Variants in UCHL5 observed in about 807,000 individuals in gnomAD.
The protein encoded by UCHL5 is ubiquitin C-terminal hydrolase L5.
In UCHL5, 34 loss-of-function variants were observed where a neutral mutation model predicts 53.8. The observed-to-expected ratio is 0.63, with a 90% confidence interval of 0.48 to 0.84. UCHL5 has a LOEUF of 0.84. Among genes scored for constraint, UCHL5 ranks in the 40% least tolerant of loss-of-function variants. The probability of loss-of-function intolerance (pLI) is 0.00; values close to 1 mark genes in which losing one functional copy is unlikely to be tolerated. For synonymous variants in UCHL5, 111 were observed against 126.3 expected, an observed-to-expected ratio of 0.88 and a Z score of 0.81; for missense variants, 290 against 385.6, an observed-to-expected ratio of 0.75 and a Z score of 2.08.
At chr1:193,024,594 TATAAC>T (rs1374022413) in intron 7 of UCHL5, among the ~76,000 whole-genome samples, 4 of 148,622 alleles carry the variant, frequency 2.7e-5, no homozygotes, top group South Asian at 2.1e-4. Flanking sequence ...TGTAAATAAA[TATAAC>T]ATATTTTATT....
At position 193,014,571 on chromosome 1, in the gene UCHL5, T is replaced by C. The variant is rs1050976487; in HGVS notation, c.*1780A>G. On this transcript the variant is annotated 3_prime_UTR_variant, in exon 11 of 11. Coordinates refer to ENST00000367454, the MANE Select transcript of UCHL5 (RefSeq NM_001199261.3). ...ATCTGTTTTCAGTTAAAAAGCTTCATACTTTTAAAATATTACATTTAGGTC... is the reference window on the plus strand; with the variant it reads ...ATCTGTTTTCAGTTAAAAAGCTTCACACTTTTAAAATATTACATTTAGGTC... 6.6e-6 allele frequency: 1 copy of C among 152,180 alleles called. No homozygotes were observed. Among genetic ancestry groups the C allele is most frequent in the African/African-American group, 2.4e-5 (1 of 41,452 alleles). The allele number at this position is 152,180 out of a possible 1,614,324, so 9.4% of individuals were successfully genotyped here.
At chr1:193,044,048 C>T (rs532107080) in intron 3 of UCHL5, among the ~76,000 whole-genome samples, 11 of 152,304 alleles carry the variant, frequency 7.2e-5, no homozygotes, top group Middle Eastern at 3.4e-3. Flanking sequence ...CCACCACAAA[C>T]CTGCAATGCT....
chr1:193,051,476 T>TAAAAAAAAAAAAAAAAAAAA (rs375074775), intron 2 of UCHL5, among the ~76,000 whole-genome samples: 1 of 119,746 alleles, frequency 8.4e-6, no homozygotes, highest in African/African-American at 3.2e-5. Flanking sequence ...GTGAATTTTG[T>TAAAAAAAAAAAAAAAAAAAA]AAAAAAAAAA....
chr1:193,047,083 A>G (rs1414904628), intron 3 of UCHL5, among the ~76,000 whole-genome samples: 1 of 152,142 alleles, frequency 6.6e-6, no homozygotes, highest in Non-Finnish European at 1.5e-5. Context: ...GCTTGTTGCA[A>G]ATATTAAATA....
rs747332454 is a variant in UCHL5, at chr1:193,018,404, G to A, written c.943-2009C>T. On this transcript the variant is annotated intron_variant, in intron 10 of 10. Coordinates refer to ENST00000367454, the MANE Select transcript of UCHL5 (RefSeq NM_001199261.3). ...CTGAATAAATAGAAGTCTCACAAAT[G>A]TAATCTTAAACTAGATAATTTTATT... The A allele has an allele frequency of 2.0e-4, 112 of 571,798 alleles. 1 individual carries two copies. The highest frequency in any genetic ancestry group is 2.3e-4 in the Non-Finnish European group (104 of 452,044). The allele number at this position is 571,798 out of a possible 1,614,324, so 35.4% of individuals were successfully genotyped here.
At chr1:193,033,487 T>C (rs1662257084) in intron 3 of UCHL5, among the ~76,000 whole-genome samples, 1 of 152,014 alleles carries the variant, frequency 6.6e-6, no homozygotes, top group South Asian at 2.1e-4. Context: ...GTAACAAACC[T>C]GCACATTCTG....
intron 3 of UCHL5, among the ~76,000 whole-genome samples, chr1:193,036,548 T>C (rs2102589739): frequency 6.6e-6 from 1 of 152,004 alleles, no homozygotes; most frequent in Non-Finnish European, 1.5e-5. Flanking sequence ...AATACTACTA[T>C]CTACTCTCTC....
At chr1:193,016,474 G>A (rs1654937127) in intron 10 of UCHL5, 79 bp from the exon 11 acceptor site, 5 of 1,312,626 alleles carry the variant, frequency 3.8e-6, no homozygotes, top group Non-Finnish European at 5.2e-6. Context: ...GCCTAAGAGG[G>A]TATTCTCAAG....
chr1:193,030,606 T>C (rs1193967573), intron 3 of UCHL5, among the ~76,000 whole-genome samples: 2 of 152,230 alleles, frequency 1.3e-5, no homozygotes, highest in Non-Finnish European at 2.9e-5. Context: ...GCAAGGTTAA[T>C]CACAGAGCTG....
intron 3 of UCHL5, among the ~76,000 whole-genome samples, chr1:193,048,013 T>C (rs1013587651): frequency 3.9e-5 from 6 of 152,208 alleles, no homozygotes; most frequent in African/African-American, 1.4e-4. Context: ...TTTAATATTC[T>C]GTGGAATGAA....
chr1:193,025,222 G>A lies in UCHL5; in HGVS notation c.630-1276C>T, dbSNP rs1227296977. ...AGCCTCAGAAGACAGAAAACTTTTA[G>A]ACAATAATCATTCCACTATAGCCAA... On this transcript the variant is annotated intron_variant, in intron 7 of 10. Coordinates refer to ENST00000367454, the MANE Select transcript of UCHL5 (RefSeq NM_001199261.3). Among the ~76,000 whole-genome samples, 4 of 152,200 alleles carry A rather than the reference G, an allele frequency of 2.6e-5. No homozygotes were observed. The East Asian group carries it at 7.7e-4, about 29-fold the overall frequency.
chr1:193,041,708 GAACA>G (rs1665633752), intron 3 of UCHL5, among the ~76,000 whole-genome samples: 1 of 152,088 alleles, frequency 6.6e-6, no homozygotes, highest in South Asian at 2.1e-4. Context: ...AAAACCCAAA[GAACA>G]AACTACAGAA....
intron 3 of UCHL5, among the ~76,000 whole-genome samples, chr1:193,040,316 T>C (rs992616975): frequency 6.6e-6 from 1 of 151,902 alleles, no homozygotes; most frequent in African/African-American, 2.4e-5. Flanking sequence ...ATAAAAAAAA[T>C]CAGATTTAAA....
Position 193,059,311 on chromosome 1 carries a change from C to A in UCHL5, c.-51G>T, listed in dbSNP as rs775120907. On this transcript the variant is annotated 5_prime_UTR_variant, in exon 1 of 11. Coordinates refer to ENST00000367454, the MANE Select transcript of UCHL5 (RefSeq NM_001199261.3). This position sits in a 1 kb window ranked among gnomAD's most constrained non-coding sequence, Gnocchi z 4.9. The stretch of plus-strand genomic sequence containing the variant: ...CCACCTCTCGCTCTCAGCTGCCCCC[C>A]GCACCAGCTGCCGCCGGCCACAGAT... 6.2e-7 allele frequency: 1 copy of A among 1,609,256 alleles called. No homozygotes were observed. The highest frequency in any genetic ancestry group is 2.2e-5 in the East Asian group (1 of 44,770).
chr1:193,055,828 A>G (rs1314984205), intron 1 of UCHL5, among the ~76,000 whole-genome samples: 1 of 152,254 alleles, frequency 6.6e-6, no homozygotes, highest in African/African-American at 2.4e-5. Flanking sequence ...AATGATGGAT[A>G]TAGGTCTGCA....
chr1:193,056,868 C>G (rs1471458653), intron 1 of UCHL5, among the ~76,000 whole-genome samples: 3 of 152,128 alleles, frequency 2.0e-5, no homozygotes, highest in Admixed American at 6.5e-5. Context: ...CATAAACTAC[C>G]ACCATTTAAT....
rs1278589493 is a variant in UCHL5 at position 193,015,109 on chromosome 1, GT to G, written c.*1241del. On this transcript the variant is annotated 3_prime_UTR_variant, in exon 11 of 11. Transcript: ENST00000367454. ...ATTATGTATGAAAAATATTTCATTC[GT>G]TTTTCTATCAATTTCCTATCAGGTT... 1.3e-5 allele frequency: 2 copies of G among 151,892 alleles called. No individual in the cohort carries two copies. The highest frequency in any genetic ancestry group is 2.9e-5 in the Non-Finnish European group (2 of 67,932). The allele number at this position is 151,892 out of a possible 1,614,324, so 9.4% of individuals were successfully genotyped here.
rs1288537538 is a variant in UCHL5 at position 193,014,326 on chromosome 1, T to A, written c.*2025A>T. 2 of 152,160 alleles carry A rather than the reference T, an allele frequency of 1.3e-5. No individual in the cohort carries two copies. Among genetic ancestry groups the A allele is most frequent in the African/African-American group, 4.8e-5 (2 of 41,434 alleles). 9.4% of individuals were successfully genotyped at this position (152,160 alleles called of 1,614,324 possible). ...GATAAAATAAACCACTCTTAAGCTA[T>A]GGAAATTCCTATTAAGGAATTTTAT... On this transcript the variant is annotated 3_prime_UTR_variant, in exon 11 of 11. Transcript: ENST00000367454.
chr1:193,048,684 G>A (rs1007231837), intron 3 of UCHL5, among the ~76,000 whole-genome samples: 4 of 152,096 alleles, frequency 2.6e-5, no homozygotes, highest in Non-Finnish European at 4.4e-5. Context: ...AAAACAAAAC[G>A]AAAACATTGC....
Sources: allele counts gnomAD v4.1 joint callset (sites outside exome capture counted in the v4.1 genomes callset), GRCh38; gene constraint gnomAD v4.1.1; non-coding constraint Gnocchi (gnomAD v3.1); transcripts MANE v1.5; gene names NCBI Gene and HGNC (gene_info 2026-07-23, HGNC 2026-07-21).